TRPM3: variants seen among roughly 807,000 people sequenced by gnomAD.
TRPM3 encodes the protein transient receptor potential cation channel subfamily M member 3, also known as long transient receptor potential channel 3.
A neutral mutation model predicts 181.2 loss-of-function variants in TRPM3; 77 were observed. That is an observed-to-expected ratio of 0.42 (90% CI 0.35 to 0.51). TRPM3 has a LOEUF of 0.51. TRPM3 is among the 20% of genes least tolerant of loss of function. The probability of loss-of-function intolerance (pLI) is 0.01; values close to 1 mark genes in which losing one functional copy is unlikely to be tolerated. For missense variants in TRPM3, 1,759 were observed against 2,196.7 expected, an observed-to-expected ratio of 0.80 and a Z score of 3.98; for synonymous variants, 745 against 796.4, an observed-to-expected ratio of 0.94 and a Z score of 1.09.
intron 1 of TRPM3, among the ~76,000 whole-genome samples, chr9:71,439,790 T>C (rs1020347956): frequency 1.3e-5 from 2 of 152,170 alleles, no homozygotes; most frequent in Non-Finnish European, 2.9e-5. Flanking sequence ...TATTTTTGTA[T>C]ATTTGAGACT....
At chr9:71,085,999 T>C (rs959967653) in intron 1 of TRPM3, among the ~76,000 whole-genome samples, 1 of 151,962 alleles carries the variant, frequency 6.6e-6, no homozygotes. Context: ...ATATACACCA[T>C]AGAATGCCAC....
At chr9:71,119,401 A>C (rs564057681) in intron 1 of TRPM3, among the ~76,000 whole-genome samples, 85 of 152,204 alleles carry the variant, frequency 5.6e-4, no homozygotes, top group African/African-American at 2.0e-3. Context: ...TGTCTCCTGA[A>C]AGTATGGACA....
chr9:71,446,560 T>G (rs1245077310), intron 1 of TRPM3: 3 of 1,333,664 alleles, frequency 2.2e-6, no homozygotes, highest in African/African-American at 3.0e-5. Flanking sequence ...CTCTCACCCT[T>G]AGGGAGGCAA....
intron 22 of TRPM3, among the ~76,000 whole-genome samples, chr9:70,560,151 G>A (rs553053508): frequency 2.0e-5 from 3 of 152,268 alleles, no homozygotes; most frequent in East Asian, 1.9e-4. Flanking sequence ...TGTAAGAAAC[G>A]CATTGTCCTT....
At chr9:70,845,351 T>G (rs990301999) in intron 4 of TRPM3, among the ~76,000 whole-genome samples, 2 of 152,156 alleles carry the variant, frequency 1.3e-5, no homozygotes, top group African/African-American at 4.8e-5. Flanking sequence ...GCAATTCTCC[T>G]GGTTCAGCCT....
chr9:71,417,250 T>C (rs951084278), intron 1 of TRPM3, among the ~76,000 whole-genome samples: 2 of 152,006 alleles, frequency 1.3e-5, no homozygotes, highest in Non-Finnish European at 2.9e-5. Flanking sequence ...CCTGTTTATA[T>C]TCTCATTAAT....
rs935294363 is a variant in TRPM3, at chr9:71,403,322, C to G, written c.183+43331G>C. On this transcript the variant is annotated intron_variant, in intron 1 of 24. Transcript: ENST00000357533. ...AGCCTAAAATAGTTACCTTCTGGCT[C>G]TTTGCAGGAAAACTTTGCCAACTCC... 2.0e-5 allele frequency among the ~76,000 whole-genome samples: 3 copies of G among 152,142 alleles called. No individual in the cohort carries two copies. The East Asian group carries it at 5.8e-4, about 29-fold the overall frequency.
At chr9:70,564,869 T>A (rs1046669246) in intron 22 of TRPM3, among the ~76,000 whole-genome samples, 3 of 152,236 alleles carry the variant, frequency 2.0e-5, no homozygotes, top group African/African-American at 7.2e-5. Flanking sequence ...GCTGACATTA[T>A]TTACAAATCC....
intron 1 of TRPM3, among the ~76,000 whole-genome samples, chr9:71,171,241 C>T (rs541101874): frequency 6.6e-6 from 1 of 152,158 alleles, no homozygotes; most frequent in Admixed American, 6.6e-5. Context: ...AATTTTGCCC[C>T]AGTCCTGTGG....
At chr9:71,205,193 C>T (rs1055475703) in intron 1 of TRPM3, among the ~76,000 whole-genome samples, 2 of 151,514 alleles carry the variant, frequency 1.3e-5, no homozygotes, top group Admixed American at 1.3e-4. Flanking sequence ...TGCACATGTA[C>T]CCTAAAACTT....
At chr9:70,664,930 G>A (rs59110702) in intron 9 of TRPM3, among the ~76,000 whole-genome samples, 22,894 of 152,032 alleles carry the variant, frequency 0.15, 2,275 homozygotes, top group East Asian at 0.39. Flanking sequence ...GATTACAGGC[G>A]TGAGCCACCA....
At chr9:70,957,655 C>T (rs1165164979) in intron 1 of TRPM3, among the ~76,000 whole-genome samples, 1 of 152,202 alleles carries the variant, frequency 6.6e-6, no homozygotes, top group African/African-American at 2.4e-5. Flanking sequence ...TCAAAAGTCT[C>T]ATAATTCAAG....
At chr9:71,373,188 C>A (rs765197236) in intron 1 of TRPM3, among the ~76,000 whole-genome samples, 1 of 151,730 alleles carries the variant, frequency 6.6e-6, no homozygotes, top group Non-Finnish European at 1.5e-5. Flanking sequence ...TCTCAGTTAA[C>A]AATCTAACAT....
intron 1 of TRPM3, among the ~76,000 whole-genome samples, chr9:71,112,772 C>T (rs1399550356): frequency 1.3e-5 from 2 of 152,074 alleles, no homozygotes; most frequent in African/African-American, 4.8e-5. Flanking sequence ...CTAGAAATAC[C>T]CACTGATGTT....
intron 1 of TRPM3, among the ~76,000 whole-genome samples, chr9:71,256,492 C>A (rs1389688179): frequency 6.6e-6 from 1 of 151,828 alleles, no homozygotes; most frequent in African/African-American, 2.4e-5. Flanking sequence ...ATGAGAACTC[C>A]AAGAGAGAGT....
intron 1 of TRPM3, among the ~76,000 whole-genome samples, chr9:71,092,067 G>T (rs1373804538): frequency 6.6e-6 from 1 of 152,172 alleles, no homozygotes; most frequent in Non-Finnish European, 1.5e-5. Context: ...TGGATAGTGA[G>T]TCTCTTTTAG....
At chr9:70,934,079 A>T (rs183552071) in intron 1 of TRPM3, among the ~76,000 whole-genome samples, 319 of 152,278 alleles carry the variant, frequency 2.1e-3, no homozygotes, top group African/African-American at 7.3e-3. Context: ...GACATTCTTT[A>T]AACTTACTCC....
At chr9:71,401,469 C>A (rs531045791) in intron 1 of TRPM3, among the ~76,000 whole-genome samples, 2 of 152,152 alleles carry the variant, frequency 1.3e-5, no homozygotes, top group South Asian at 2.1e-4. Flanking sequence ...ACCCATCTGT[C>A]AGGAGTAGTG....
chr9:71,148,317 A>G (rs1317980898), intron 1 of TRPM3, among the ~76,000 whole-genome samples: 1 of 152,142 alleles, frequency 6.6e-6, no homozygotes, highest in South Asian at 2.1e-4. Flanking sequence ...AACAAATCAT[A>G]CATTTGCTTG....
Sources: allele counts gnomAD v4.1 joint callset (sites outside exome capture counted in the v4.1 genomes callset), GRCh38; gene constraint gnomAD v4.1.1; transcripts MANE v1.5; gene names NCBI Gene and HGNC (gene_info 2026-07-23, HGNC 2026-07-21).